DGKK: variants seen among roughly 807,000 people sequenced by gnomAD.
DGKK encodes the protein 142 kDa diacylglycerol kinase.
In DGKK, 35 loss-of-function variants were observed where a neutral mutation model predicts 92.2. The observed-to-expected ratio is 0.38, with a 90% CI of 0.29 to 0.50. The LOEUF (loss-of-function observed/expected upper bound fraction) is 0.50, where lower values mean the gene tolerates loss of function less well. DGKK is among the 20% of genes least tolerant of loss of function. DGKK has a pLI of 0.92. For synonymous variants in DGKK, 368 were observed against 360.6 expected, an observed-to-expected ratio of 1.02 and a Z score of -0.23; for missense variants, 910 against 992.2, an observed-to-expected ratio of 0.92 and a Z score of 1.11.
chrX:50,460,182 T>C (rs906563283), intron 1 of DGKK, among the ~76,000 whole-genome samples: 4 of 111,972 alleles, frequency 3.6e-5, no homozygotes, highest in African/African-American at 1.3e-4. Context: ...ATGAAAACTT[T>C]CTGGGTTTCA....
intron 4 of DGKK, among the ~76,000 whole-genome samples, chrX:50,414,771 G>C (rs113847301): frequency 0.037 from 4,180 of 111,488 alleles, 190 homozygotes; most frequent in African/African-American, 0.13. Flanking sequence ...GATTAGTGTG[G>C]ATGTCAATCA....
rs781824281 is a variant in DGKK at position 50,378,671 on chromosome X, G to C, written c.2883C>G (p.Ile961Met). The C allele has an allele frequency of 6.1e-5, 73 of 1,202,729 alleles. No individual in the cohort carries two copies. The highest frequency in any genetic ancestry group is 7.7e-5 in the Non-Finnish European group (69 of 890,787). Residue 961 changes from isoleucine to methionine, a missense_variant, in exon 21 of 28, where the codon ATC becomes ATG. Ile to Met is a conservative substitution (Grantham distance 10, BLOSUM62 1). Transcript: ENST00000611977. ...TATTEYEAPA[I>M]DDGKLEVVAI... Reference sequence around the variant, plus strand: ...CCACCACCTCCAGTTTCCCATCATCGATTGCAGGAGCCTCATATTCCTGAG... The same window carrying C: ...CCACCACCTCCAGTTTCCCATCATCCATTGCAGGAGCCTCATATTCCTGAG...
Position 50,368,908 on chromosome X carries a change from T to C in DGKK, c.*32A>G. On this transcript the variant is annotated 3_prime_UTR_variant, in exon 28 of 28. Coordinates refer to ENST00000611977, the MANE Select transcript of DGKK (RefSeq NM_001013742.4). Reference sequence around the variant, plus strand: ...TTTGAGAGTTTTTTTAGTAGAATTCTCAATGTTGTGAGTTCTTCCAGCTTT... The same window carrying C: ...TTTGAGAGTTTTTTTAGTAGAATTCCCAATGTTGTGAGTTCTTCCAGCTTT... 8.6e-7 allele frequency: 1 copy of C among 1,163,572 alleles called. No individual in the cohort carries two copies. Among genetic ancestry groups the C allele is most frequent in the East Asian group, 3.0e-5 (1 of 33,558 alleles).
At chrX:50,418,630 A>C (rs1274736107) in intron 4 of DGKK, among the ~76,000 whole-genome samples, 1 of 112,012 alleles carries the variant, frequency 8.9e-6, no homozygotes, top group African/African-American at 3.2e-5. Context: ...TGGTGCCGAG[A>C]CGTTTCACTA....
intron 1 of DGKK, among the ~76,000 whole-genome samples, chrX:50,430,317 G>C (rs1331772689): frequency 1.8e-5 from 2 of 112,127 alleles, no homozygotes; most frequent in African/African-American, 6.5e-5. Context: ...AAGGGCTGTA[G>C]AATCCTTGTA....
intron 17 of DGKK, among the ~76,000 whole-genome samples, chrX:50,383,770 C>T (rs909637805): frequency 8.9e-6 from 1 of 111,877 alleles, no homozygotes; most frequent in Admixed American, 9.5e-5. Flanking sequence ...CCCTAGTGAC[C>T]ATTTTAGTTT....
chrX:50,453,970 C>T (rs1557232654), intron 1 of DGKK, among the ~76,000 whole-genome samples: 2 of 104,520 alleles, frequency 1.9e-5, no homozygotes, highest in Non-Finnish European at 3.9e-5. Context: ...TGTTCTCCCC[C>T]AGTTCTCTCA....
intron 4 of DGKK, among the ~76,000 whole-genome samples, chrX:50,405,412 CAT>C (rs1347052490): frequency 9.0e-6 from 1 of 111,481 alleles, no homozygotes; most frequent in Non-Finnish European, 1.9e-5. Context: ...GAAGTTCAGA[CAT>C]AGGCGTACAC....
At chrX:50,424,434 C>T (rs1925683093) in intron 1 of DGKK, 76 bp from the exon 2 acceptor site, 3 of 908,798 alleles carry the variant, frequency 3.3e-6, no homozygotes, top group East Asian at 6.3e-5. Context: ...CAGATGGAAA[C>T]AGCAGATATC....
chrX:50,422,681 G>T (rs1925630530), intron 2 of DGKK, among the ~76,000 whole-genome samples, 155 bp from the exon 3 acceptor site: 1 of 109,334 alleles, frequency 9.1e-6, no homozygotes, highest in Non-Finnish European at 1.9e-5. Context: ...CATTTCTTTG[G>T]CTTGAGGGCT....
At chrX:50,435,270 T>G (rs782012975) in intron 1 of DGKK, among the ~76,000 whole-genome samples, 1 of 112,451 alleles carries the variant, frequency 8.9e-6, no homozygotes, top group Admixed American at 9.4e-5. Context: ...TTTGGTGATT[T>G]CTGTGCTCTG....
rs782476897 is a variant in DGKK at position 50,376,948 on chromosome X, T to A, written c.3112-30A>T. The A allele has an allele frequency of 9.5e-6, 11 of 1,158,896 alleles. No homozygotes were observed. The East Asian group carries it at 3.3e-4, about 35-fold the overall frequency. On this transcript the variant is annotated intron_variant, in intron 22 of 27. Coordinates refer to ENST00000611977, the MANE Select transcript of DGKK (RefSeq NM_001013742.4). ...AGATGAATACAGTGGCATATCCTAA[T>A]GATTGCTGTAGCTACTAGTGCACAT...
rs782158873 is a variant in DGKK at position 50,391,469 on chromosome X, T to A, written c.1812A>T (p.Arg604Ser). ...KSKSPLDILN[R>S]VEQASVRILD... ...GGATCCTCACACTAGCCTGCTCCAC[T>A]CTGTTGAGGATGTCCAGAGGTGACT... The change falls in exon 11 of 28, where the codon AGA (arginine) becomes AGT (serine). Residue 604 changes from arginine to serine, a missense_variant. Arg to Ser is a moderately radical substitution (Grantham distance 110). Coordinates refer to ENST00000611977, the MANE Select transcript of DGKK (RefSeq NM_001013742.4). 57 of 1,209,805 alleles carry A rather than the reference T, an allele frequency of 4.7e-5. No individual in the cohort carries two copies. The highest frequency in any genetic ancestry group is 6.3e-5 in the Non-Finnish European group (56 of 895,015).
intron 4 of DGKK, among the ~76,000 whole-genome samples, chrX:50,405,419 G>A (rs185290460): frequency 9.0e-6 from 1 of 111,248 alleles, no homozygotes; most frequent in African/African-American, 3.3e-5. Flanking sequence ...AGACATAGGC[G>A]TACACAGAGC....
At chrX:50,460,482 A>T (rs1557233244) in intron 1 of DGKK, among the ~76,000 whole-genome samples, 2 of 111,308 alleles carry the variant, frequency 1.8e-5, no homozygotes, top group Non-Finnish European at 1.9e-5. Flanking sequence ...CATATCTCTC[A>T]GTATCCTACA....
In DGKK at chrX:50,469,992, C is replaced by T; in HGVS notation, c.645+42G>A. Reference sequence around the variant, plus strand: ...CGCGGGCTCCATAGCCATCTGACTTCGCCTTGCTTCTTTTCCCCGCTTCAG... The same window carrying T: ...CGCGGGCTCCATAGCCATCTGACTTTGCCTTGCTTCTTTTCCCCGCTTCAG... On this transcript the variant is annotated intron_variant, in intron 1 of 27. Coordinates refer to ENST00000611977, the MANE Select transcript of DGKK (RefSeq NM_001013742.4). 4 of 1,156,753 alleles carry T rather than the reference C, an allele frequency of 3.5e-6. No individual in the cohort carries two copies. In the South Asian group the frequency reaches 6.4e-5, roughly 18 times the overall value.
intron 26 of DGKK, among the ~76,000 whole-genome samples, chrX:50,370,827 G>A (rs1466148119): frequency 4.5e-5 from 5 of 112,355 alleles, no homozygotes; most frequent in Admixed American, 1.9e-4. Flanking sequence ...TAACATCCCT[G>A]TATCAGAGAT....
At chrX:50,425,792 G>A (rs1925724314) in intron 1 of DGKK, among the ~76,000 whole-genome samples, 1 of 111,686 alleles carries the variant, frequency 9.0e-6, no homozygotes, top group Non-Finnish European at 1.9e-5. Context: ...GTGGGAAGGA[G>A]GGAGGTTGCA....
At chrX:50,454,492 T>C (rs1268463029) in intron 1 of DGKK, among the ~76,000 whole-genome samples, 1 of 111,369 alleles carries the variant, frequency 9.0e-6, no homozygotes, top group African/African-American at 3.3e-5. Context: ...ACAATATATA[T>C]CTTAAAAACA....
Sources: allele counts gnomAD v4.1 joint callset (sites outside exome capture counted in the v4.1 genomes callset), GRCh38; gene constraint gnomAD v4.1.1; transcripts MANE v1.5; gene names NCBI Gene and HGNC (gene_info 2026-07-23, HGNC 2026-07-21).